ATXN3: variants seen among roughly 807,000 people sequenced by gnomAD.
The protein encoded by ATXN3 is ataxin-3.
ATXN3 carries 28 observed loss-of-function variants against 58.2 expected under a neutral mutation model. The ratio of observed to expected loss-of-function variants is 0.48; its 90% CI spans 0.36 to 0.66. The LOEUF (loss-of-function observed/expected upper bound fraction) is 0.66, where lower values mean the gene tolerates loss of function less well. Among genes scored for constraint, ATXN3 ranks in the 30% least tolerant of loss-of-function variants. The pLI is 0.00. For missense variants in ATXN3, 321 were observed against 422.1 expected, an observed-to-expected ratio of 0.76 and a Z score of 2.10; for synonymous variants, 113 against 138.5, an observed-to-expected ratio of 0.82 and a Z score of 1.29.
intron 1 of ATXN3, 74 bp from the exon 2 acceptor site, chr14:92,096,912 T>A: frequency 9.4e-7 from 1 of 1,060,234 alleles, no homozygotes; most frequent in Non-Finnish European, 1.3e-6. Context: ...CCTAAATAAT[T>A]TTTTTTTTTT....
intron 10 of ATXN3, among the ~76,000 whole-genome samples, chr14:92,066,624 T>G (rs1595498731): frequency 1.6e-5 from 2 of 124,766 alleles, no homozygotes; most frequent in African/African-American, 3.2e-5. Context: ...TTTTTTTTTT[T>G]TGAGACAAGG....
chr14:92,080,723 A>G (rs891361174), intron 9 of ATXN3: 6 of 447,158 alleles, frequency 1.3e-5, no homozygotes, highest in Non-Finnish European at 2.6e-5. Flanking sequence ...TTTAGTAGAG[A>G]TGGGGTTTCA....
At chr14:92,086,586 A>T (rs2062606924) in intron 6 of ATXN3, among the ~76,000 whole-genome samples, 1 of 141,200 alleles carries the variant, frequency 7.1e-6, no homozygotes. Context: ...AAAAAAAATT[A>T]GCCGGTCATG....
rs1477372828 is a variant in ATXN3 at position 92,093,332 on chromosome 14, CAG to C, written c.321-16_321-15del. Reference sequence around the variant, plus strand: ...GATCTTTCATTTCTAAAAAAGAAAACAGACAATATTAACTTGAAATATTGAAT... The same window carrying C: ...GATCTTTCATTTCTAAAAAAGAAAACACAATATTAACTTGAAATATTGAAT... On this transcript the variant is annotated splice_polypyrimidine_tract_variant and intron_variant, in intron 4 of 10. Coordinates refer to ENST00000644486, the MANE Select transcript of ATXN3 (RefSeq NM_004993.6). 3 of 1,287,522 alleles carry C rather than the reference CAG, an allele frequency of 2.3e-6. No individual in the cohort carries two copies. Among genetic ancestry groups the C allele is most frequent in the East Asian group, 2.4e-5 (1 of 42,002 alleles). The allele number at this position is 1,287,522 out of a possible 1,614,324, so 79.8% of individuals were successfully genotyped here. A position where few individuals can be genotyped will look rare whatever the true frequency, so the allele number is the denominator to read the frequency against.
chr14:92,064,481 G>T, intron 10 of ATXN3, 67 bp from the exon 11 acceptor site: 1 of 1,168,734 alleles, frequency 8.6e-7, no homozygotes, highest in Admixed American at 2.0e-5. Context: ...CAAAAGGCAA[G>T]TTCTCAGAAA....
intron 1 of ATXN3, among the ~76,000 whole-genome samples, chr14:92,097,884 T>C (rs1311956590): frequency 6.6e-6 from 1 of 152,252 alleles, no homozygotes; most frequent in Middle Eastern, 3.4e-3. Context: ...ATAATTAACA[T>C]AGGTACATGC....
chr14:92,100,373 T>C (rs1034175525), intron 1 of ATXN3, among the ~76,000 whole-genome samples: 4 of 152,106 alleles, frequency 2.6e-5, no homozygotes, highest in East Asian at 3.8e-4. Flanking sequence ...TTACTATTTG[T>C]AGTAATACAA....
At chr14:92,067,112 C>T (rs2058593293) in intron 10 of ATXN3, among the ~76,000 whole-genome samples, 1 of 150,614 alleles carries the variant, frequency 6.6e-6, no homozygotes. Flanking sequence ...GTTGTATGTA[C>T]CCCTTCCTTC....
chr14:92,083,315 T>G (rs1303342284), intron 6 of ATXN3, 57 bp from the exon 7 acceptor site: 2 of 1,494,836 alleles, frequency 1.3e-6, no homozygotes, highest in Admixed American at 4.1e-5. Context: ...TCAAAATTGA[T>G]GTAAAACACT....
At chr14:92,096,559 G>T (rs1343423882) in intron 2 of ATXN3, 115 bp downstream of exon 2, 9 of 1,081,204 alleles carry the variant, frequency 8.3e-6, no homozygotes, top group Non-Finnish European at 1.2e-5. Flanking sequence ...GGGAGGCAGA[G>T]GTTGCAGTGA....
rs180913839 is a variant in ATXN3 at position 92,089,614 on chromosome 14, A to T, written c.388-797T>A. Reference sequence around the variant, plus strand: ...AGGCCTCCCAAAGTGCTGGGATTACAGGTGTGAGCCACCGCGCCCGGCCCT... The same window carrying T: ...AGGCCTCCCAAAGTGCTGGGATTACTGGTGTGAGCCACCGCGCCCGGCCCT... On this transcript the variant is annotated intron_variant, in intron 5 of 10. Transcript: ENST00000644486. Among the ~76,000 whole-genome samples, 72 of 152,322 alleles carry T rather than the reference A, an allele frequency of 4.7e-4. No homozygotes were observed. The East Asian group carries it at 0.013, about 28-fold the overall frequency.
exon 1 of ATXN3, chr14:92,049,605 G>C: frequency 5.6e-6 from 1 of 178,916 alleles, no homozygotes; most frequent in Non-Finnish European, 1.1e-5. Flanking sequence ...CCGCTTACCC[G>C]ATTTGAAATT....
At chr14:92,070,111 C>T (rs2059169053) in intron 10 of ATXN3, among the ~76,000 whole-genome samples, 1 of 151,934 alleles carries the variant, frequency 6.6e-6, no homozygotes, top group Non-Finnish European at 1.5e-5. Flanking sequence ...CTTATAATTT[C>T]TTTGTCAGAT....
chr14:92,102,593 T>C (rs556002813), intron 1 of ATXN3, among the ~76,000 whole-genome samples: 64 of 152,286 alleles, frequency 4.2e-4, no homozygotes, highest in African/African-American at 1.5e-3. Flanking sequence ...ATTTCTCACC[T>C]CCTCTTAGTG....
intron 1 of ATXN3, among the ~76,000 whole-genome samples, chr14:92,104,502 A>C (rs1472468174): frequency 6.6e-6 from 1 of 152,208 alleles, no homozygotes; most frequent in African/African-American, 2.4e-5. Context: ...CCCATGGGTC[A>C]GTACAAATGT....
chr14:92,064,172 A>C lies in ATXN3; in HGVS notation c.*148T>G. 1 of 542,408 alleles carries C rather than the reference A, an allele frequency of 1.8e-6. No individual in the cohort carries two copies. The allele number at this position is 542,408 out of a possible 1,614,324, so 33.6% of individuals were successfully genotyped here. A position where few individuals can be genotyped will look rare whatever the true frequency, so the allele number is the denominator to read the frequency against. On this transcript the variant is annotated 3_prime_UTR_variant, in exon 11 of 11. Coordinates refer to ENST00000644486, the MANE Select transcript of ATXN3 (RefSeq NM_004993.6). ...CATTATTTAGTCCTACAACCGACGC[A>C]TTGTTCCACTTTCCCATCATTTTGT...
chr14:92,097,701 A>C (rs764198570), intron 1 of ATXN3, among the ~76,000 whole-genome samples: 7 of 151,544 alleles, frequency 4.6e-5, no homozygotes, highest in Non-Finnish European at 7.4e-5. Flanking sequence ...AATTTTTTGT[A>C]TTTTTAGTAG....
intron 1 of ATXN3, among the ~76,000 whole-genome samples, chr14:92,104,073 T>C (rs1207527762): frequency 6.6e-6 from 1 of 152,236 alleles, no homozygotes. Flanking sequence ...AAGTTGATGA[T>C]AATGGTAAAG....
In ATXN3 at chr14:92,106,548, T is replaced by G. The variant is rs2068476049; in HGVS notation, c.5A>C (p.Glu2Ala). The change falls in exon 1 of 11, where the codon GAG becomes GCG. Residue 2 changes from glutamate to alanine, a missense_variant. By Grantham distance (107) the Glu-to-Ala change is moderately radical (BLOSUM62 -1). Around this residue, in one of 2 missense-constraint regions of ATXN3, gnomAD observed 121 missense variants for 198.9 expected, o/e 0.61. Transcript: ENST00000644486. Reference sequence around the variant, plus strand: ...ACTCACTTTCTCGTGGAAGATGGACTCCATGTTTATTTGTCTGGAGCCAAC... The same window carrying G: ...ACTCACTTTCTCGTGGAAGATGGACGCCATGTTTATTTGTCTGGAGCCAAC... M[E>A]SIFHEKQEGS... 6.2e-7 allele frequency: 1 copy of G among 1,612,564 alleles called. No individual in the cohort carries two copies. Among genetic ancestry groups the G allele is most frequent in the Non-Finnish European group, 8.5e-7 (1 of 1,179,508 alleles).
Sources: gnomAD v4.1 joint callset for allele counts (sites outside exome capture counted in the v4.1 genomes callset) on GRCh38, gnomAD v4.1.1 for gene constraint, gnomAD v4.1.1 regional missense constraint, MANE v1.5 for transcripts, NCBI Gene and HGNC (gene_info 2026-07-23, HGNC 2026-07-21) for gene names.